The following DTWD2 variants were observed in gnomAD, a reference collection of about 807,000 sequenced individuals.
DTWD2 encodes the protein DTW motif tRNA-uridine aminocarboxypropyltransferase 2.
Under a neutral mutation model 31.8 loss-of-function variants are expected in DTWD2, and 39 were observed. The ratio of observed to expected loss-of-function variants is 1.22; its 90% confidence interval spans 0.95 to 1.60. The LOEUF (loss-of-function observed/expected upper bound fraction) is 1.60. DTWD2 is among the 40% of genes most tolerant of loss of function. DTWD2 has a pLI of 0.00. For synonymous variants in DTWD2, 180 were observed against 142.8 expected (o/e 1.26, Z -1.86); for missense variants, 515 against 381.5 (o/e 1.35, Z -2.92).
chr5:118,851,441 G>T (rs1752003076), intron 4 of DTWD2, among the ~76,000 whole-genome samples: 1 of 151,944 alleles, frequency 6.6e-6, no homozygotes, highest in Non-Finnish European at 1.5e-5. Context: ...TTTTATTAAG[G>T]ATTTCAAAAG....
intron 4 of DTWD2, among the ~76,000 whole-genome samples, chr5:118,896,032 T>C (rs560542725): frequency 6.6e-6 from 1 of 152,244 alleles, no homozygotes; most frequent in Admixed American, 6.5e-5. Flanking sequence ...AAAATAAACA[T>C]GATTACTGAA....
chr5:118,919,028 T>C (rs1376995981), intron 4 of DTWD2, among the ~76,000 whole-genome samples: 4 of 152,232 alleles, frequency 2.6e-5, no homozygotes, highest in Non-Finnish European at 5.9e-5. Flanking sequence ...AGAGGTCATT[T>C]GTCTGATGCC....
Position 118,988,478 on chromosome 5 carries a change from C to A in DTWD2, c.34G>T (p.Glu12Ter). 1.2e-6 allele frequency: 2 copies of A among 1,601,752 alleles called. No homozygotes were observed. The highest frequency in any genetic ancestry group is 1.7e-6 in the Non-Finnish European group (2 of 1,175,506). The part of the protein sequence containing the change: ...ESQKEARTLQ[E>*]PVARPSGASS... ...GCCCCAGAAGGCCGCGCAACGGGCT[C>A]CTGGAGTGTTCGTGCCTCTTTCTGC... Residue 12 changes from glutamate (E) to a stop codon, truncating the protein, a stop_gained, in exon 1 of 6, where the codon GAG becomes TAG. Transcript: ENST00000510708. LOFTEE classifies it high-confidence loss of function.
chr5:118,848,213 T>C lies in DTWD2; in HGVS notation c.603A>G (p.Gln201=), dbSNP rs780832774. ...NSLFRHPKQV[Q]LKTSISSQYV... is the part of the protein sequence containing the mutation. ...ACTGACTAGAAATGCTAGTTTTTAATTGCACCTGAAATCAAAAACAAAATA... is the reference window on the plus strand; with the variant it reads ...ACTGACTAGAAATGCTAGTTTTTAACTGCACCTGAAATCAAAAACAAAATA... Residue 201 remains glutamine, a synonymous_variant, in exon 5 of 6, where the codon CAA becomes CAG. Transcript: ENST00000510708. 10 of 1,586,310 alleles carry C rather than the reference T, an allele frequency of 6.3e-6. No homozygotes were observed. Among genetic ancestry groups the C allele is most frequent in the South Asian group, 2.4e-5 (2 of 84,666 alleles).
intron 4 of DTWD2, among the ~76,000 whole-genome samples, chr5:118,859,013 T>C (rs926639397): frequency 6.6e-6 from 1 of 152,204 alleles, no homozygotes; most frequent in Non-Finnish European, 1.5e-5. Flanking sequence ...ATCCCACCTT[T>C]AGTGGTGCTA....
intron 2 of DTWD2, among the ~76,000 whole-genome samples, chr5:118,941,140 G>A (rs1754188036): frequency 6.6e-6 from 1 of 151,942 alleles, no homozygotes; most frequent in South Asian, 2.1e-4. Flanking sequence ...TTCTATGGGA[G>A]AGTCAAAAAC....
chr5:118,925,934 G>GA (rs1017004229), intron 4 of DTWD2, among the ~76,000 whole-genome samples: 3 of 151,382 alleles, frequency 2.0e-5, no homozygotes, highest in Non-Finnish European at 4.4e-5. Context: ...GTCATTATAT[G>GA]AAAAAAACAC....
intron 4 of DTWD2, among the ~76,000 whole-genome samples, chr5:118,921,163 AG>A (rs34995760): frequency 0.027 from 4,156 of 152,240 alleles, 202 homozygotes; most frequent in African/African-American, 0.094. Flanking sequence ...CCTAGCTGTG[AG>A]GGGTACACAG....
chr5:118,851,998 A>T (rs546769764), intron 4 of DTWD2, among the ~76,000 whole-genome samples: 16 of 152,152 alleles, frequency 1.1e-4, no homozygotes, highest in Non-Finnish European at 2.1e-4. Flanking sequence ...CAGAGGACAG[A>T]CACTCCCAGA....
intron 3 of DTWD2, among the ~76,000 whole-genome samples, chr5:118,936,418 T>G (rs1754046165): frequency 6.6e-6 from 1 of 151,568 alleles, no homozygotes; most frequent in Non-Finnish European, 1.5e-5. Context: ...AAGGCTACAG[T>G]GAGCTATGTG....
At chr5:118,881,689 G>A (rs544299184) in intron 4 of DTWD2, among the ~76,000 whole-genome samples, 2 of 152,232 alleles carry the variant, frequency 1.3e-5, no homozygotes, top group East Asian at 1.9e-4. Context: ...AGGGGAAGCA[G>A]GCGCCTCTTA....
intron 5 of DTWD2, among the ~76,000 whole-genome samples, chr5:118,847,253 G>C (rs538861087): frequency 6.6e-6 from 1 of 152,170 alleles, no homozygotes; most frequent in African/African-American, 2.4e-5. Flanking sequence ...AGGCAGGAAA[G>C]AGTACCTCTT....
chr5:118,988,372 G>A lies in DTWD2; in HGVS notation c.140C>T (p.Ala47Val). 1.3e-6 allele frequency: 2 copies of A among 1,574,924 alleles called. No homozygotes were observed. Among genetic ancestry groups the A allele is most frequent in the Non-Finnish European group, 1.7e-6 (2 of 1,163,034 alleles). ...CAGCCCGTCCGCACTGTCGTCGTCC[G>A]CCTCTGCGCCCAGGGCAGCCGCCGC... ...VPAAAALGAE[A>V]DDDSADGLWE... is the part of the protein sequence containing the mutation. Residue 47 changes from alanine (A) to valine (V), a missense_variant, in exon 1 of 6, where the codon GCG (alanine) becomes GTG (valine). Coordinates refer to ENST00000510708, the MANE Select transcript of DTWD2 (RefSeq NM_173666.4).
intron 4 of DTWD2, among the ~76,000 whole-genome samples, chr5:118,907,074 A>C (rs1403510475): frequency 1.3e-5 from 2 of 152,178 alleles, no homozygotes; most frequent in African/African-American, 4.8e-5. Context: ...GTTTACTTTA[A>C]ATGATAATCC....
chr5:118,931,028 G>A (rs1258415930), intron 3 of DTWD2, among the ~76,000 whole-genome samples: 8 of 151,842 alleles, frequency 5.3e-5, no homozygotes, highest in African/African-American at 1.7e-4. Flanking sequence ...AAGTTAAATG[G>A]TATGTGAATT....
At chr5:118,882,473 G>C (rs1327136105) in intron 4 of DTWD2, among the ~76,000 whole-genome samples, 2 of 152,320 alleles carry the variant, frequency 1.3e-5, no homozygotes, top group South Asian at 4.1e-4. Flanking sequence ...TGCTCCACTG[G>C]GGACTCTGTG....
chr5:118,968,592 C>T (rs761761952), intron 1 of DTWD2, among the ~76,000 whole-genome samples: 17 of 152,172 alleles, frequency 1.1e-4, no homozygotes, highest in South Asian at 2.1e-4. Context: ...CAGGAAACCA[C>T]GTTTTTCCCA....
At chr5:118,881,344 A>G (rs1752735302) in intron 4 of DTWD2, among the ~76,000 whole-genome samples, 1 of 152,184 alleles carries the variant, frequency 6.6e-6, no homozygotes, top group South Asian at 2.1e-4. Flanking sequence ...CTTCATTGCT[A>G]ATTTCAAAAA....
rs112939370 is a variant in DTWD2 at position 118,840,980 on chromosome 5, T to C, written c.834A>G (p.Pro278=). 6.2e-7 allele frequency: 1 copy of C among 1,613,850 alleles called. No homozygotes were observed. Among genetic ancestry groups the C allele is most frequent in the South Asian group, 1.1e-5 (1 of 91,058 alleles). Residue 278 remains proline (P), a synonymous_variant, in exon 6 of 6, where the codon CCA becomes CCG. Coordinates refer to ENST00000510708, the MANE Select transcript of DTWD2 (RefSeq NM_173666.4). The stretch of plus-strand genomic sequence containing the variant: ...TGAGTTTGCGTTTGTTCTTTGGCAT[T>C]GGTTTAGGATATAATCCATTTTTCA... ...HLLKNGLYPK[P]MPKNKRKLRK...
Sources: gnomAD v4.1 joint callset for allele counts (sites outside exome capture counted in the v4.1 genomes callset) on GRCh38, gnomAD v4.1.1 for gene constraint, MANE v1.5 for transcripts, NCBI Gene and HGNC (gene_info 2026-07-23, HGNC 2026-07-21) for gene names.